Variants in RNMT observed in about 807,000 individuals in gnomAD.
RNMT encodes RNA guanine-7 methyltransferase.
A neutral mutation model predicts 56.0 loss-of-function variants in RNMT; 27 were observed. That is an observed-to-expected ratio of 0.48 (90% CI 0.36 to 0.67). The LOEUF (loss-of-function observed/expected upper bound fraction) is 0.67, where lower values mean the gene tolerates loss of function less well. Ranked by LOEUF, RNMT falls within the 30% of genes least tolerant of loss-of-function variation. The probability of loss-of-function intolerance (pLI) is 0.00; values close to 1 mark genes in which losing one functional copy is unlikely to be tolerated. For synonymous variants in RNMT, 184 were observed against 176.2 expected, an observed-to-expected ratio of 1.04 and a Z score of -0.35; for missense variants, 519 against 552.1, an observed-to-expected ratio of 0.94 and a Z score of 0.60.
In RNMT at chr18:13,752,990, G is replaced by A. The variant is rs574009937; in HGVS notation, c.1359+563G>A. Among the ~76,000 whole-genome samples the A allele has an allele frequency of 3.3e-5, 5 of 152,112 alleles. No individual in the cohort carries two copies. In the East Asian group the frequency reaches 9.6e-4, roughly 29 times the overall value. On this transcript the variant is annotated intron_variant, in intron 10 of 11. Coordinates refer to ENST00000383314, the MANE Select transcript of RNMT (RefSeq NM_003799.3). The stretch of plus-strand genomic sequence containing the variant: ...CTAGATCTTGTTATTATAGTTAATG[G>A]TGTGTGCAAAGCAACACATATCTTT...
At chr18:13,728,240 G>A (rs955713017) in intron 1 of RNMT, among the ~76,000 whole-genome samples, 4 of 148,190 alleles carry the variant, frequency 2.7e-5, no homozygotes, top group African/African-American at 7.5e-5. Flanking sequence ...GCTAATTTAC[G>A]TTCTCCCTAA....
intron 11 of RNMT, among the ~76,000 whole-genome samples, chr18:13,758,308 A>G (rs1465853218): frequency 3.3e-5 from 5 of 152,186 alleles, no homozygotes; most frequent in Admixed American, 6.6e-5. Context: ...TCTAGCTATG[A>G]AAGTCCTAGA....
intron 5 of RNMT, among the ~76,000 whole-genome samples, chr18:13,739,164 C>A (rs2044213146): frequency 6.6e-6 from 1 of 152,122 alleles, no homozygotes; most frequent in Non-Finnish European, 1.5e-5. Flanking sequence ...AAAAAGTGGC[C>A]AGTACAGCTC....
chr18:13,731,389 CAA>C (rs1162854174), intron 2 of RNMT, 85 bp from the exon 3 acceptor site: 4 of 638,558 alleles, frequency 6.3e-6, no homozygotes, highest in African/African-American at 4.0e-5. Flanking sequence ...GCCTGGGCGA[CAA>C]GAGTGAAACT....
At chr18:13,754,372 G>A (rs1278827167) in intron 11 of RNMT, among the ~76,000 whole-genome samples, 2 of 152,118 alleles carry the variant, frequency 1.3e-5, no homozygotes, top group Non-Finnish European at 2.9e-5. Flanking sequence ...GCCAGTCATG[G>A]TGGCATGTGC....
At position 13,762,822 on chromosome 18, in the gene RNMT, G is replaced by A. The variant is rs2044636486; in HGVS notation, c.*2843G>A. On this transcript the variant is annotated 3_prime_UTR_variant, in exon 12 of 12. Transcript: ENST00000383314. Reference sequence around the variant, plus strand: ...CTGTTTTTTAGCTTAGTGCCATTATGTCATTTTGATTTGTATTCAAGTACT... The same window carrying A: ...CTGTTTTTTAGCTTAGTGCCATTATATCATTTTGATTTGTATTCAAGTACT... 7.1e-6 allele frequency: 2 copies of A among 280,178 alleles called. No homozygotes were observed. 17.4% of individuals were successfully genotyped at this position (280,178 alleles called of 1,614,324 possible).
At chr18:13,729,874 A>G (rs2044038408) in intron 1 of RNMT, among the ~76,000 whole-genome samples, 1 of 151,452 alleles carries the variant, frequency 6.6e-6, no homozygotes, top group Non-Finnish European at 1.5e-5. Flanking sequence ...ATCATGGCTC[A>G]CTGCAGCCTG....
chr18:13,761,981 G>A lies in RNMT; in HGVS notation c.*2002G>A, dbSNP rs1361167021. 3 of 1,533,880 alleles carry A rather than the reference G, an allele frequency of 2.0e-6. No individual in the cohort carries two copies. The highest frequency in any genetic ancestry group is 2.6e-6 in the Non-Finnish European group (3 of 1,145,666). ...TCTCCGATCACCAAGGTGGAAGGGA[G>A]CTAGTAGGACTCTTCCTTGACACAC... On this transcript the variant is annotated 3_prime_UTR_variant, in exon 12 of 12. Coordinates refer to ENST00000383314, the MANE Select transcript of RNMT (RefSeq NM_003799.3).
intron 2 of RNMT, 52 bp from the exon 3 acceptor site, chr18:13,731,424 T>A: frequency 1.1e-6 from 1 of 942,052 alleles, no homozygotes; most frequent in Non-Finnish European, 1.6e-6. Context: ...AAAAAAAAAT[T>A]GTTTTAAAGT....
intron 11 of RNMT, among the ~76,000 whole-genome samples, chr18:13,756,810 G>C (rs2044551547): frequency 6.6e-6 from 1 of 152,190 alleles, no homozygotes; most frequent in South Asian, 2.1e-4. Flanking sequence ...TTCAAAAGAA[G>C]TCATCTCAAG....
At chr18:13,747,946 A>G (rs1227792218) in intron 9 of RNMT, among the ~76,000 whole-genome samples, 1 of 152,192 alleles carries the variant, frequency 6.6e-6, no homozygotes, top group African/African-American at 2.4e-5. Flanking sequence ...ATAGTGGTCA[A>G]TTATTTAGCC....
chr18:13,763,432 G>C lies in RNMT; in HGVS notation c.*3453G>C. 1 of 230,606 alleles carries C rather than the reference G, an allele frequency of 4.3e-6. No homozygotes were observed. The highest frequency in any genetic ancestry group is 9.0e-6 in the Non-Finnish European group (1 of 111,536). The allele number at this position is 230,606 out of a possible 1,614,324, so 14.3% of individuals were successfully genotyped here. On this transcript the variant is annotated 3_prime_UTR_variant, in exon 12 of 12. Transcript: ENST00000383314. Reference sequence around the variant, plus strand: ...CTCACCACGATATTGAGGAAGCACAGGACATCCAAGGGTACTCTCCAGTTT... The same window carrying C: ...CTCACCACGATATTGAGGAAGCACACGACATCCAAGGGTACTCTCCAGTTT...
chr18:13,740,438 C>T (rs111994043), intron 6 of RNMT, among the ~76,000 whole-genome samples, 159 bp downstream of exon 6: 13 of 152,286 alleles, frequency 8.5e-5, no homozygotes, highest in Admixed American at 2.6e-4. Context: ...CACAGTGGCA[C>T]GATCTCAGCT....
chr18:13,760,212 A>AGAAAAATAAAAGTATAACTAAATTAGAAG lies in RNMT; in HGVS notation c.*233_*234insGAAAAATAAAAGTATAACTAAATTAGAAG. The AGAAAAATAAAAGTATAACTAAATTAGAAG allele has an allele frequency of 8.1e-7, 1 of 1,230,784 alleles. No individual in the cohort carries two copies. 76.2% of individuals were successfully genotyped at this position (1,230,784 alleles called of 1,614,324 possible). On this transcript the variant is annotated 3_prime_UTR_variant, in exon 12 of 12. Coordinates refer to ENST00000383314, the MANE Select transcript of RNMT (RefSeq NM_003799.3). The stretch of plus-strand genomic sequence containing the variant: ...GTCTTTAAAAATCTATTTTTAGGTA[A>AGAAAAATAAAAGTATAACTAAATTAGAAG]TGTTCTAAGAATTCCATTTGCCTCT...
At position 13,762,255 on chromosome 18, in the gene RNMT, A is replaced by G. The variant is rs1258702251; in HGVS notation, c.*2276A>G. 7.6e-7 allele frequency: 1 copy of G among 1,321,980 alleles called. No individual in the cohort carries two copies. Among genetic ancestry groups the G allele is most frequent in the Non-Finnish European group, 1.0e-6 (1 of 987,798 alleles). 81.9% of individuals were successfully genotyped at this position (1,321,980 alleles called of 1,614,324 possible). A position where few individuals can be genotyped will look rare whatever the true frequency, so the allele number is the denominator to read the frequency against. On this transcript the variant is annotated 3_prime_UTR_variant, in exon 12 of 12. Transcript: ENST00000383314. ...GATCTGGGAACATGGCTGGATTGTG[A>G]TTTAACCAAGAATGCTGATGTTGAA...
At chr18:13,741,483 A>G (rs765127078) in intron 6 of RNMT, 27 bp from the exon 7 acceptor site, 4 of 1,580,164 alleles carry the variant, frequency 2.5e-6, no homozygotes, top group African/African-American at 1.4e-5. Context: ...TTACCTCACA[A>G]TCTTAACTCA....
At chr18:13,751,278 A>G (rs972139120) in intron 9 of RNMT, among the ~76,000 whole-genome samples, 1 of 152,234 alleles carries the variant, frequency 6.6e-6, no homozygotes, top group Non-Finnish European at 1.5e-5. Flanking sequence ...TTTACAAGAA[A>G]AAAACAACCC....
intron 11 of RNMT, among the ~76,000 whole-genome samples, chr18:13,755,773 T>G (rs541610936): frequency 6.6e-6 from 1 of 152,338 alleles, no homozygotes; most frequent in African/African-American, 2.4e-5. Flanking sequence ...GTTGCCTGTC[T>G]TAGACATCCT....
At chr18:13,741,923 C>A (rs1442245014) in intron 7 of RNMT, among the ~76,000 whole-genome samples, 3 of 152,204 alleles carry the variant, frequency 2.0e-5, no homozygotes, top group African/African-American at 7.2e-5. Flanking sequence ...TAGTGATAGA[C>A]AAACTGCAGG....
Sources: allele counts gnomAD v4.1 joint callset (sites outside exome capture counted in the v4.1 genomes callset), GRCh38; gene constraint gnomAD v4.1.1; transcripts MANE v1.5; gene names NCBI Gene and HGNC (gene_info 2026-07-23, HGNC 2026-07-21).